Variants in TSNARE1 observed in about 807,000 individuals in gnomAD.
TSNARE1 encodes the protein t-SNARE domain containing 1.
In TSNARE1, 49 loss-of-function variants were observed where a neutral mutation model predicts 62.0. That is an observed-to-expected ratio of 0.79 (90% CI 0.63 to 1.00). The LOEUF (loss-of-function observed/expected upper bound fraction) is 1.00. TSNARE1 is among the 50% of genes least tolerant of loss of function. The pLI, the probability that TSNARE1 is intolerant of heterozygous loss-of-function variation, is 0.00. For synonymous variants in TSNARE1, 328 were observed against 294.4 expected, an observed-to-expected ratio of 1.11 and a Z score of -1.17; for missense variants, 755 against 700.1, an observed-to-expected ratio of 1.08 and a Z score of -0.88.
At chr8:142,216,787 C>A (rs1815859993) in intron 13 of TSNARE1, among the ~76,000 whole-genome samples, 1 of 152,226 alleles carries the variant, frequency 6.6e-6, no homozygotes. Context: ...TTGGCACCGA[C>A]CCTGCCTGGT....
chr8:142,331,213 C>A (rs1040088300), intron 5 of TSNARE1, among the ~76,000 whole-genome samples: 4 of 152,236 alleles, frequency 2.6e-5, no homozygotes, highest in African/African-American at 9.6e-5. Flanking sequence ...ACATGCAGCT[C>A]AGGGGCTCTG....
At chr8:142,216,686 C>T (rs753405360) in intron 13 of TSNARE1, among the ~76,000 whole-genome samples, 7 of 152,290 alleles carry the variant, frequency 4.6e-5, no homozygotes, top group Non-Finnish European at 8.8e-5. Context: ...GGGTGGGGGA[C>T]GAGCAGAGGC....
rs1484417279 is a variant in TSNARE1 at position 142,301,023 on chromosome 8, G to A, written c.1132-379C>T. 1.3e-4 allele frequency among the ~76,000 whole-genome samples: 11 copies of A among 82,282 alleles called. No individual in the cohort carries two copies. The South Asian group carries it at 1.6e-3, about 12-fold the overall frequency. 54.0% of individuals were successfully genotyped at this position (82,282 alleles called of 152,430 possible). A position where few individuals can be genotyped will look rare whatever the true frequency, so the allele number is the denominator to read the frequency against. On this transcript the variant is annotated intron_variant, in intron 9 of 13. Transcript: ENST00000524325. Reference sequence around the variant, plus strand: ...CACACGTTCATACCGAACTGAAAACGCGACAACAGCGGTGATCCCACCCCA... The same window carrying A: ...CACACGTTCATACCGAACTGAAAACACGACAACAGCGGTGATCCCACCCCA...
intron 2 of TSNARE1, among the ~76,000 whole-genome samples, chr8:142,348,756 A>G (rs929044384): frequency 2.6e-5 from 4 of 151,944 alleles, no homozygotes; most frequent in Non-Finnish European, 5.9e-5. Flanking sequence ...AGACAGCTAC[A>G]TGTCCTAGCT....
chr8:142,379,330 C>T (rs896688218), intron 1 of TSNARE1, among the ~76,000 whole-genome samples: 1 of 152,202 alleles, frequency 6.6e-6, no homozygotes, highest in Non-Finnish European at 1.5e-5. Context: ...CCCCCAACCT[C>T]GCCCTCCCAG....
chr8:142,357,548 G>A (rs368560808), intron 1 of TSNARE1, among the ~76,000 whole-genome samples: 30 of 152,306 alleles, frequency 2.0e-4, no homozygotes, highest in African/African-American at 6.0e-4. Context: ...ACCAGGGCCC[G>A]GGAGGGAGGA....
At chr8:142,275,579 G>A in intron 11 of TSNARE1, 1 of 985,436 alleles carries the variant, frequency 1.0e-6, no homozygotes, top group Non-Finnish European at 1.2e-6. Context: ...TGGGCACCAG[G>A]AGCGCAGGCA....
chr8:142,215,607 T>C (rs971729968), intron 13 of TSNARE1, among the ~76,000 whole-genome samples: 4 of 152,040 alleles, frequency 2.6e-5, no homozygotes, highest in African/African-American at 9.7e-5. Flanking sequence ...CTGTCCCCCG[T>C]GACCTACCAG....
At chr8:142,367,723 A>G (rs1231721657) in intron 1 of TSNARE1, among the ~76,000 whole-genome samples, 1 of 152,252 alleles carries the variant, frequency 6.6e-6, no homozygotes, top group African/African-American at 2.4e-5. Flanking sequence ...GAAAGCCTCT[A>G]TAACTACAAC....
intron 10 of TSNARE1, among the ~76,000 whole-genome samples, chr8:142,288,876 T>C (rs1823274487): frequency 6.6e-6 from 1 of 152,216 alleles, no homozygotes; most frequent in African/African-American, 2.4e-5. Context: ...GTGCCTCCTG[T>C]GAGAGGGGAC....
chr8:142,306,659 C>T (rs935927540), intron 9 of TSNARE1, among the ~76,000 whole-genome samples: 1 of 152,240 alleles, frequency 6.6e-6, no homozygotes, highest in Admixed American at 6.5e-5. Flanking sequence ...AGCAGCCCCC[C>T]AGTCCCCCCA....
chr8:142,244,288 A>C (rs1392542445), intron 12 of TSNARE1, among the ~76,000 whole-genome samples: 1 of 152,250 alleles, frequency 6.6e-6, no homozygotes, highest in Admixed American at 6.5e-5. Flanking sequence ...TTGGCTGACT[A>C]TACACTCAAT....
intron 12 of TSNARE1, among the ~76,000 whole-genome samples, chr8:142,255,108 C>T (rs1818357861): frequency 6.6e-6 from 1 of 152,048 alleles, no homozygotes; most frequent in South Asian, 2.1e-4. Context: ...ACAGAGGCCC[C>T]CAGCGGCTGA....
At chr8:142,283,888 T>C (rs1045131268) in intron 11 of TSNARE1, among the ~76,000 whole-genome samples, 3 of 141,286 alleles carry the variant, frequency 2.1e-5, no homozygotes, top group African/African-American at 7.5e-5. Flanking sequence ...ACAGTGTCAA[T>C]GAACAGAGGC....
At chr8:142,264,719 A>C (rs1161106118) in intron 12 of TSNARE1, among the ~76,000 whole-genome samples, 1 of 152,116 alleles carries the variant, frequency 6.6e-6, no homozygotes, top group East Asian at 1.9e-4. Flanking sequence ...ATTGCTACTT[A>C]AGCTCTCTTT....
intron 12 of TSNARE1, among the ~76,000 whole-genome samples, chr8:142,240,263 T>C (rs1817617366): frequency 6.6e-6 from 1 of 152,202 alleles, no homozygotes; most frequent in Admixed American, 6.5e-5. Flanking sequence ...AAAGGTCACT[T>C]TATAATGCTG....
intron 13 of TSNARE1, among the ~76,000 whole-genome samples, chr8:142,222,379 CTCACTCAG>C (rs1816362042): frequency 8.1e-6 from 1 of 123,708 alleles, no homozygotes; most frequent in Non-Finnish European, 1.8e-5. Flanking sequence ...AATTCACTCA[CTCACTCAG>C]TCATCCACTC....
chr8:142,274,568 G>A (rs915280673), intron 12 of TSNARE1: 5 of 985,292 alleles, frequency 5.1e-6, no homozygotes, highest in African/African-American at 3.5e-5. Flanking sequence ...GGTGCCGACC[G>A]CTGTGGGCAC....
chr8:142,275,806 G>C, intron 11 of TSNARE1: 1 of 979,708 alleles, frequency 1.0e-6, no homozygotes, highest in Non-Finnish European at 1.2e-6. Context: ...TAAGGCCTGG[G>C]ATAGAGAGGC....
Sources: allele counts gnomAD v4.1 joint callset (sites outside exome capture counted in the v4.1 genomes callset), GRCh38; gene constraint gnomAD v4.1.1; transcripts MANE v1.5; gene names NCBI Gene and HGNC (gene_info 2026-07-23, HGNC 2026-07-21).